Variants in PLXND1 observed in about 807,000 individuals in gnomAD.
PLXND1 encodes plexin-D1.
In PLXND1, 54 loss-of-function variants were observed where a neutral mutation model predicts 197.7. The observed-to-expected ratio is 0.27, with a 90% CI of 0.22 to 0.34. The LOEUF (loss-of-function observed/expected upper bound fraction) is 0.34, where lower values mean the gene tolerates loss of function less well. Ranked by LOEUF, PLXND1 falls within the 10% of genes least tolerant of loss-of-function variation. The probability of loss-of-function intolerance (pLI) is 1.00; values close to 1 mark genes in which losing one functional copy is unlikely to be tolerated. For missense variants in PLXND1, 2,127 were observed against 2,699.2 expected, an observed-to-expected ratio of 0.79 and a Z score of 4.70; for synonymous variants, 1,180 against 1,161.2, an observed-to-expected ratio of 1.02 and a Z score of -0.33.
Position 129,605,396 on chromosome 3 carries a change from A to G in PLXND1, c.1244T>C (p.Val415Ala). Residue 415 changes from valine (V) to alanine (A), a missense_variant, in exon 1 of 36, where the codon GTG (valine) becomes GCG (alanine). Transcript: ENST00000324093. ...TACFVEPAPD[V>A]VAVLDSVVQG... is the part of the protein sequence containing the mutation. ...CACCACGCTGTCGAGCACCGCCACC[A>G]CGTCGGGCGCCGGTTCCACGAAGCA... is the stretch of plus-strand genomic sequence containing the variant. 1 of 1,500,850 alleles carries G rather than the reference A, an allele frequency of 6.7e-7. No individual in the cohort carries two copies. Among genetic ancestry groups the G allele is most frequent in the Non-Finnish European group, 8.8e-7 (1 of 1,132,858 alleles). 93.0% of individuals were successfully genotyped at this position (1,500,850 alleles called of 1,614,324 possible). A position where few individuals can be genotyped will look rare whatever the true frequency, so the allele number is the denominator to read the frequency against.
Position 129,558,613 on chromosome 3 carries a change from G to C in PLXND1, c.5298-38C>G, listed in dbSNP as rs759588355. The C allele has an allele frequency of 6.2e-7, 1 of 1,602,476 alleles. No homozygotes were observed. Among genetic ancestry groups the C allele is most frequent in the Non-Finnish European group, 8.5e-7 (1 of 1,171,724 alleles). Reference sequence around the variant, plus strand: ...GTGACAAAGACAGTGAGGGTAGGGTGGGGTAGGAAGCAGTCGAGGGACAGT... The same window carrying C: ...GTGACAAAGACAGTGAGGGTAGGGTCGGGTAGGAAGCAGTCGAGGGACAGT... On this transcript the variant is annotated intron_variant, in intron 32 of 35. Transcript: ENST00000324093. This position sits in a 1 kb window ranked among gnomAD's most constrained non-coding sequence, Gnocchi z 4.1.
At chr3:129,574,535 A>C in intron 11 of PLXND1, 45 bp from the exon 12 acceptor site, 1 of 1,575,298 alleles carries the variant, frequency 6.3e-7, no homozygotes, top group Non-Finnish European at 8.7e-7. Context: ...TCTGCGGTGC[A>C]TGCCCCAACA....
In PLXND1 at chr3:129,577,121, C is replaced by A. The variant is rs2085324406; in HGVS notation, c.2346+1208G>T. On this transcript the variant is annotated intron_variant, in intron 9 of 35. Transcript: ENST00000324093. This position sits in a 1 kb window ranked among gnomAD's most constrained non-coding sequence, Gnocchi z 5.0. Reference sequence around the variant, plus strand: ...CCGTTTTGTCCCCTGCCATGCTGAGCTGGAGATGGGTCCCTCCTCTTAGTC... The same window carrying A: ...CCGTTTTGTCCCCTGCCATGCTGAGATGGAGATGGGTCCCTCCTCTTAGTC... Among the ~76,000 whole-genome samples, 1 of 152,116 alleles carries A rather than the reference C, an allele frequency of 6.6e-6. No individual in the cohort carries two copies. The highest frequency in any genetic ancestry group is 2.4e-5 in the African/African-American group (1 of 41,372).
At chr3:129,600,897 G>T (rs534147619) in intron 1 of PLXND1, among the ~76,000 whole-genome samples, 5 of 151,904 alleles carry the variant, frequency 3.3e-5, no homozygotes, top group East Asian at 1.9e-4. Context: ...CTGCCTGATG[G>T]TTTTTTTTCC....
In PLXND1 at chr3:129,557,228, G is replaced by C; in HGVS notation, c.5446-5C>G. ...GAGCTTGTTGGTTGGCGAATCCTGGGCAGAGAAGAGCGAGGGTGTTAGATG... is the reference window on the plus strand; with the variant it reads ...GAGCTTGTTGGTTGGCGAATCCTGGCCAGAGAAGAGCGAGGGTGTTAGATG... On this transcript the variant is annotated splice_region_variant and splice_polypyrimidine_tract_variant and intron_variant, in intron 33 of 35. Coordinates refer to ENST00000324093, the MANE Select transcript of PLXND1 (RefSeq NM_015103.3). This position sits in a 1 kb window ranked among gnomAD's most constrained non-coding sequence, Gnocchi z 4.8. The C allele has an allele frequency of 6.2e-7, 1 of 1,614,014 alleles. No individual in the cohort carries two copies. The highest frequency in any genetic ancestry group is 8.5e-7 in the Non-Finnish European group (1 of 1,179,962).
intron 31 of PLXND1, 88 bp downstream of exon 31, chr3:129,560,242 G>A (rs931086837): frequency 6.1e-6 from 5 of 814,974 alleles, no homozygotes; most frequent in South Asian, 1.5e-5. Context: ...AGCCGCGGGT[G>A]CACAGCTGGC....
chr3:129,577,010 G>A lies in PLXND1; in HGVS notation c.2347-1155C>T, dbSNP rs2108781466. 6.6e-6 allele frequency among the ~76,000 whole-genome samples: 1 copy of A among 152,276 alleles called. No homozygotes were observed. The highest frequency in any genetic ancestry group is 1.9e-4 in the East Asian group (1 of 5,166). On this transcript the variant is annotated intron_variant, in intron 9 of 35. Transcript: ENST00000324093. This position sits in a 1 kb window ranked among gnomAD's most constrained non-coding sequence, Gnocchi z 5.0. ...CTGTGGCTGGCAGATGTGACACCCT[G>A]AGGAGAATGCAGGTCAACCTCCCTG... is the stretch of plus-strand genomic sequence containing the variant.
In PLXND1 at chr3:129,573,580, C is replaced by T. The variant is rs763969300; in HGVS notation, c.2837+14G>A. 2.5e-6 allele frequency: 4 copies of T among 1,609,532 alleles called. No individual in the cohort carries two copies. In the African/African-American group the frequency reaches 5.3e-5, roughly 22 times the overall value. ...CTGCTGGAGAAGGTAGGTGGGGGCACCGTGGCTACTCACTCCTCCGACACC... is the reference window on the plus strand; with the variant it reads ...CTGCTGGAGAAGGTAGGTGGGGGCATCGTGGCTACTCACTCCTCCGACACC... On this transcript the variant is annotated intron_variant, in intron 13 of 35. Transcript: ENST00000324093.
chr3:129,563,715 T>C (rs1225175131), intron 25 of PLXND1, among the ~76,000 whole-genome samples: 1 of 152,166 alleles, frequency 6.6e-6, no homozygotes, highest in Non-Finnish European at 1.5e-5. Flanking sequence ...TCAGGAGGAA[T>C]GGGGCTCAAT....
rs200361615 is a variant in PLXND1 at position 129,572,768 on chromosome 3, G to T, written c.2938-20C>A. 4 of 1,601,848 alleles carry T rather than the reference G, an allele frequency of 2.5e-6. No individual in the cohort carries two copies. The highest frequency in any genetic ancestry group is 8.5e-7 in the Non-Finnish European group (1 of 1,172,074). Reference sequence around the variant, plus strand: ...GGGCAGCTGTGGGAGGAAGGCAGGCGTTTGGGCCTCGGGCCAGCCCCCGGG... The same window carrying T: ...GGGCAGCTGTGGGAGGAAGGCAGGCTTTTGGGCCTCGGGCCAGCCCCCGGG... On this transcript the variant is annotated intron_variant, in intron 14 of 35. Coordinates refer to ENST00000324093, the MANE Select transcript of PLXND1 (RefSeq NM_015103.3).
At chr3:129,595,831 G>C (rs1292331323) in intron 1 of PLXND1, among the ~76,000 whole-genome samples, 1 of 151,976 alleles carries the variant, frequency 6.6e-6, no homozygotes, top group African/African-American at 2.4e-5. Context: ...ACAAGCCCCA[G>C]GCTTAGGTCA....
At position 129,558,207 on chromosome 3, in the gene PLXND1, G is replaced by A. The variant is rs1282478122; in HGVS notation, c.5445+221C>T. ...AGGCACAGCTGCAGCATGTGCAGTTGGTCTGCAGCGATACAGAGTTTCTGA... is the reference window on the plus strand; with the variant it reads ...AGGCACAGCTGCAGCATGTGCAGTTAGTCTGCAGCGATACAGAGTTTCTGA... On this transcript the variant is annotated intron_variant, in intron 33 of 35. Coordinates refer to ENST00000324093, the MANE Select transcript of PLXND1 (RefSeq NM_015103.3). The surrounding 1 kb of genome is among the most constrained non-coding windows in gnomAD (Gnocchi z 4.1). 6.6e-6 allele frequency among the ~76,000 whole-genome samples: 1 copy of A among 152,240 alleles called. No homozygotes were observed. The highest frequency in any genetic ancestry group is 2.4e-5 in the African/African-American group (1 of 41,460).
chr3:129,571,149 C>T lies in PLXND1; in HGVS notation c.3491G>A (p.Arg1164Gln), dbSNP rs138816015. Residue 1164 changes from arginine to glutamine, a missense_variant, in exon 18 of 36, where the codon CGG (arginine) becomes CAG (glutamine). Arg to Gln is a conservative substitution (Grantham distance 43, BLOSUM62 1). Transcript: ENST00000324093. ...EELLDPEEAQ[R>Q]GSRFRLDYLP... is the part of the protein sequence containing the mutation. ...GTAGTCCAGGCGGAACCTGCTGCCC[C>T]GCTGTGCCTCCTCGGGGTCCAGTAG... The T allele has an allele frequency of 3.8e-5, 62 of 1,614,230 alleles. No homozygotes were observed. Among genetic ancestry groups the T allele is most frequent in the African/African-American group, 2.3e-4 (17 of 75,064 alleles).
At position 129,555,474 on chromosome 3, in the gene PLXND1, T is replaced by C. The variant is rs2084960469; in HGVS notation, c.*838A>G. ...TGCATGGGGAGCCTCTCGGGACCCC[T>C]CCCCGGGTCCTCTGCGCAAGCGGCA... On this transcript the variant is annotated 3_prime_UTR_variant, in exon 36 of 36. Coordinates refer to ENST00000324093, the MANE Select transcript of PLXND1 (RefSeq NM_015103.3). 2.9e-6 allele frequency: 2 copies of C among 679,524 alleles called. No homozygotes were observed. Among genetic ancestry groups the C allele is most frequent in the Non-Finnish European group, 2.6e-6 (1 of 379,142 alleles). 42.1% of individuals were successfully genotyped at this position (679,524 alleles called of 1,614,324 possible).
intron 8 of PLXND1, among the ~76,000 whole-genome samples, chr3:129,580,582 C>T (rs1272750581): frequency 6.6e-6 from 1 of 152,092 alleles, no homozygotes; most frequent in African/African-American, 2.4e-5. Context: ...GAGGCGCTCT[C>T]ACAAGAGGGC....
intron 35 of PLXND1, 78 bp downstream of exon 35, chr3:129,556,539 C>A (rs1235617163): frequency 1.5e-6 from 2 of 1,341,132 alleles, no homozygotes; most frequent in Non-Finnish European, 2.1e-6. Context: ...CCATTAGGGG[C>A]AAGCACCCTG....
intron 20 of PLXND1, 198 bp downstream of exon 20, chr3:129,569,645 A>G: frequency 3.5e-6 from 2 of 565,416 alleles, no homozygotes; most frequent in Non-Finnish European, 6.4e-6. Flanking sequence ...CTGGCCACCT[A>G]ACATCTTCTA....
intron 8 of PLXND1, among the ~76,000 whole-genome samples, chr3:129,581,137 C>T (rs781320905): frequency 7.9e-5 from 12 of 152,328 alleles, no homozygotes; most frequent in South Asian, 2.1e-4. Context: ...TCCCGGCTCC[C>T]GAGGGGCCAC....
chr3:129,588,329 C>T (rs942960681), intron 2 of PLXND1, among the ~76,000 whole-genome samples: 10 of 151,774 alleles, frequency 6.6e-5, no homozygotes, highest in African/African-American at 9.7e-5. Flanking sequence ...AGACAGTAGG[C>T]GCCTAACAAC....
Sources: allele counts gnomAD v4.1 joint callset (sites outside exome capture counted in the v4.1 genomes callset), GRCh38; gene constraint gnomAD v4.1.1; non-coding constraint Gnocchi (gnomAD v3.1); transcripts MANE v1.5; gene names NCBI Gene and HGNC (gene_info 2026-07-23, HGNC 2026-07-21).